Variants in GLT8D2 observed in about 807,000 individuals in gnomAD.
GLT8D2 encodes the protein glycosyltransferase 8 domain containing 2.
In GLT8D2, 45 loss-of-function variants were observed where a neutral mutation model predicts 44.5. That is an observed-to-expected ratio of 1.01 (90% confidence interval 0.80 to 1.30). GLT8D2 has a LOEUF of 1.30. Among genes scored for constraint, GLT8D2 ranks in the 50% most tolerant of loss-of-function variants. GLT8D2 has a pLI of 0.00. For synonymous variants in GLT8D2, 156 were observed against 157.2 expected (o/e 0.99, Z 0.06); for missense variants, 400 against 430.4 (o/e 0.93, Z 0.62).
At chr12:104,022,955 A>G (rs556359395) in intron 1 of GLT8D2, among the ~76,000 whole-genome samples, 1 of 152,350 alleles carries the variant, frequency 6.6e-6, no homozygotes, top group South Asian at 2.1e-4. Context: ...ATGTATTCCA[A>G]GAACAACTTC....
intron 10 of GLT8D2, among the ~76,000 whole-genome samples, chr12:103,991,823 T>TAAAAAAAAAAAAAAAAAAA (rs11340919): frequency 8.1e-6 from 1 of 123,202 alleles, no homozygotes. Context: ...TTACGTCCTT[T>TAAAAAAAAAAAAAAAAAAA]AAAAAAAAAA....
intron 1 of GLT8D2, among the ~76,000 whole-genome samples, chr12:104,034,199 T>C (rs952485066): frequency 1.3e-5 from 2 of 152,270 alleles, no homozygotes; most frequent in African/African-American, 4.8e-5. Flanking sequence ...GGAACAGCTC[T>C]GGTCTGCAGC....
rs55732553 is a variant in GLT8D2 at position 104,015,393 on chromosome 12, AACACAC to A, written c.20-294_20-289del. On this transcript the variant is annotated intron_variant, in intron 3 of 10. Coordinates refer to ENST00000360814, the MANE Select transcript of GLT8D2 (RefSeq NM_001384711.1). The stretch of plus-strand genomic sequence containing the variant: ...GTGGGACCCTGTCTCAACAACAACA[AACACAC>A]ACACACACACACACACACACACACA... 0.012 allele frequency among the ~76,000 whole-genome samples: 1,529 copies of A among 126,154 alleles called. 50 individuals carry two copies. The East Asian group carries it at 0.15, about 12-fold the overall frequency. 82.8% of individuals were successfully genotyped at this position (126,154 alleles called of 152,430 possible).
intron 4 of GLT8D2, among the ~76,000 whole-genome samples, chr12:104,012,187 AAAAT>A (rs1175934733): frequency 0.013 from 1,120 of 84,638 alleles, 5 homozygotes; most frequent in African/African-American, 0.041. Context: ...AAAAAAAAAA[AAAAT>A]ATATATATAT....
At chr12:104,026,768 A>G (rs544837546) in intron 1 of GLT8D2, among the ~76,000 whole-genome samples, 1 of 152,310 alleles carries the variant, frequency 6.6e-6, no homozygotes, top group East Asian at 1.9e-4. Flanking sequence ...GACTTCCTCT[A>G]TCTCACACAA....
intron 2 of GLT8D2, among the ~76,000 whole-genome samples, chr12:104,020,733 A>G (rs1877519312): frequency 6.6e-6 from 1 of 152,210 alleles, no homozygotes. Context: ...AGCAAGAGCC[A>G]GTCAAGGGCA....
In GLT8D2 at chr12:103,989,553, G is replaced by A. The variant is rs767185474; in HGVS notation, c.905C>T (p.Ser302Leu). 8.7e-6 allele frequency: 14 copies of A among 1,612,476 alleles called. No individual in the cohort carries two copies. The highest frequency in any genetic ancestry group is 1.7e-4 in the Middle Eastern group (1 of 6,054). The change falls in exon 11 of 11, where the codon TCG (serine) becomes TTG (leucine). Residue 302 changes from serine to leucine, a missense_variant. Transcript: ENST00000360814. ...TTTAGCTTCCTGCAGAAAATGCTCC[G>A]AATATCTGGCATCTGGATTCCAGCC... ...HLGWNPDARY[S>L]EHFLQEAKLL...
intron 1 of GLT8D2, among the ~76,000 whole-genome samples, chr12:104,022,877 C>T (rs1878098346): frequency 6.6e-6 from 1 of 152,038 alleles, no homozygotes; most frequent in African/African-American, 2.4e-5. Context: ...TCTATCAGGC[C>T]AACTTTTTAC....
chr12:104,019,563 C>G lies in GLT8D2; in HGVS notation c.19+67G>C, dbSNP rs908386862. The G allele has an allele frequency of 2.4e-6, 3 of 1,253,362 alleles. No individual in the cohort carries two copies. The Admixed American group carries it at 6.0e-5, about 25-fold the overall frequency. The allele number at this position is 1,253,362 out of a possible 1,614,324, so 77.6% of individuals were successfully genotyped here. ...TCCAAGAAAGAAGAAAAGAGCCAAG[C>G]CCCAGCCTCAAAACCATCCTCCCAA... On this transcript the variant is annotated intron_variant, in intron 3 of 10. Coordinates refer to ENST00000360814, the MANE Select transcript of GLT8D2 (RefSeq NM_001384711.1).
intron 1 of GLT8D2, among the ~76,000 whole-genome samples, chr12:104,043,725 C>G (rs1880806871): frequency 6.6e-6 from 1 of 152,182 alleles, no homozygotes; most frequent in Admixed American, 6.5e-5. Context: ...CCTTGGTCTC[C>G]CAAAGTGCTG....
chr12:103,989,452 C>G lies in GLT8D2; in HGVS notation c.1006G>C (p.Val336Leu). The change falls in exon 11 of 11, where the codon GTT (valine) becomes CTT (leucine). Residue 336 changes from valine (V) to leucine (L), a missense_variant. Val to Leu is a conservative substitution (Grantham distance 32, BLOSUM62 1). Coordinates refer to ENST00000360814, the MANE Select transcript of GLT8D2 (RefSeq NM_001384711.1). The stretch of plus-strand genomic sequence containing the variant: ...TTAAATATCCCTGCAGGGTCAGGAA[C>G]AAACCAGCTTTCCCATAAGTCGTTG... Reference protein sequence around the residue: ...VHNDLWESWFVPDPAGIFKLN... With the variant: ...VHNDLWESWFLPDPAGIFKLN... The G allele has an allele frequency of 6.2e-7, 1 of 1,613,648 alleles. No individual in the cohort carries two copies. Among genetic ancestry groups the G allele is most frequent in the East Asian group, 2.2e-5 (1 of 44,858 alleles).
chr12:104,056,641 C>T (rs546768683), intron 1 of GLT8D2, among the ~76,000 whole-genome samples: 4 of 152,332 alleles, frequency 2.6e-5, no homozygotes, highest in African/African-American at 9.6e-5. Context: ...CAATTAGCAC[C>T]GTTTAGTTAT....
rs777870374 is a variant in GLT8D2, at chr12:104,019,149, A to C, written c.19+481T>G. ...TTTTTTTTTTTTTTGTGTGTTTGAG[A>C]CAGGGTCTCACTCTGTCTCCCAGGC... On this transcript the variant is annotated intron_variant, in intron 3 of 10. Transcript: ENST00000360814. Among the ~76,000 whole-genome samples the C allele has an allele frequency of 6.7e-5, 9 of 133,780 alleles. No homozygotes were observed. The South Asian group carries it at 7.0e-4, about 10-fold the overall frequency. The allele number at this position is 133,780 out of a possible 152,430, so 87.8% of individuals were successfully genotyped here. A position where few individuals can be genotyped will look rare whatever the true frequency, so the allele number is the denominator to read the frequency against.
At chr12:104,062,182 T>G (rs990623541) in intron 1 of GLT8D2, among the ~76,000 whole-genome samples, 11 of 151,666 alleles carry the variant, frequency 7.3e-5, no homozygotes, top group African/African-American at 2.7e-4. Flanking sequence ...CAAGTGATTC[T>G]CCTACCTCAG....
intron 1 of GLT8D2, among the ~76,000 whole-genome samples, chr12:104,043,196 T>C (rs1304545709): frequency 6.6e-6 from 1 of 152,206 alleles, no homozygotes; most frequent in Non-Finnish European, 1.5e-5. Context: ...ATCTAAATGT[T>C]GGAACACCTT....
chr12:104,010,707 G>T (rs931202694), intron 4 of GLT8D2, among the ~76,000 whole-genome samples: 18 of 152,288 alleles, frequency 1.2e-4, no homozygotes, highest in African/African-American at 4.3e-4. Context: ...CACAATGCCT[G>T]GAAGAATCTA....
At chr12:104,035,033 G>C (rs1879774065) in intron 1 of GLT8D2, among the ~76,000 whole-genome samples, 1 of 152,248 alleles carries the variant, frequency 6.6e-6, no homozygotes, top group African/African-American at 2.4e-5. Flanking sequence ...AGGGTCTGGA[G>C]TGGACCTCCA....
At position 104,045,892 on chromosome 12, in the gene GLT8D2, T is replaced by TAAGAAAGAAAGAAAGA. The variant is rs34932758; in HGVS notation, c.-164+3987_-164+4002dup. On this transcript the variant is annotated intron_variant, in intron 1 of 10. Coordinates refer to ENST00000360814, the MANE Select transcript of GLT8D2 (RefSeq NM_001384711.1). ...GTTAAAAAAGAAAAGAAAAGAAAGA[T>TAAGAAAGAAAGAAAGA]AAGAAAGAAAGAAAGAAAGAAAGAA... 9.9e-3 allele frequency among the ~76,000 whole-genome samples: 1,106 copies of TAAGAAAGAAAGAAAGA among 112,112 alleles called. 4 individuals carry two copies. Among genetic ancestry groups the TAAGAAAGAAAGAAAGA allele is most frequent in the East Asian group, 0.02 (68 of 3,476 alleles). The allele number at this position is 112,112 out of a possible 152,430, so 73.5% of individuals were successfully genotyped here. A position where few individuals can be genotyped will look rare whatever the true frequency, so the allele number is the denominator to read the frequency against.
chr12:104,063,718 C>T (rs914338254), intron 1 of GLT8D2, among the ~76,000 whole-genome samples: 4 of 152,052 alleles, frequency 2.6e-5, no homozygotes, highest in African/African-American at 9.7e-5. Flanking sequence ...AACACCTCTC[C>T]TTTGTGTCCA....
Sources: allele counts gnomAD v4.1 joint callset (sites outside exome capture counted in the v4.1 genomes callset), GRCh38; gene constraint gnomAD v4.1.1; transcripts MANE v1.5; gene names NCBI Gene and HGNC (gene_info 2026-07-23, HGNC 2026-07-21).